The following DBX2 variants were observed in gnomAD, a reference collection of about 807,000 sequenced individuals.
DBX2 encodes homeobox protein DBX2.
Under a neutral mutation model 17.7 loss-of-function variants are expected in DBX2, and 16 were observed. The ratio of observed to expected loss-of-function variants is 0.90; its 90% CI spans 0.61 to 1.37. The LOEUF is 1.37. DBX2 is among the 40% of genes most tolerant of loss of function. DBX2 has a pLI of 0.00. For missense variants in DBX2, 538 were observed against 433.8 expected (o/e 1.24, Z -2.13); for synonymous variants, 255 against 183.8 (o/e 1.39, Z -3.13).
intron 1 of DBX2, among the ~76,000 whole-genome samples, chr12:45,038,326 GAA>G (rs140253746): frequency 6.8e-6 from 1 of 147,204 alleles, no homozygotes; most frequent in Admixed American, 6.7e-5. Context: ...TGAGGTAAAA[GAA>G]AAAAAAAGAC....
chr12:45,031,206 G>GTT (rs1946407540), intron 2 of DBX2, among the ~76,000 whole-genome samples: 1 of 81,072 alleles, frequency 1.2e-5, no homozygotes, highest in Non-Finnish European at 2.4e-5. Context: ...GTGTGTGTGT[G>GTT]TGTGTGTGTG....
At chr12:45,044,415 G>T (rs1418028417) in intron 1 of DBX2, among the ~76,000 whole-genome samples, 2 of 152,020 alleles carry the variant, frequency 1.3e-5, no homozygotes, top group Non-Finnish European at 1.5e-5. Flanking sequence ...AAAAATAATA[G>T]AGACTTAAGG....
intron 1 of DBX2, among the ~76,000 whole-genome samples, chr12:45,044,671 C>T (rs1315474450): frequency 7.2e-5 from 11 of 152,076 alleles, no homozygotes; most frequent in Admixed American, 7.2e-4. Flanking sequence ...TTCCTGAATG[C>T]TTTGGTTCTA....
At chr12:45,046,456 A>T (rs1224494948) in intron 1 of DBX2, among the ~76,000 whole-genome samples, 1 of 152,150 alleles carries the variant, frequency 6.6e-6, no homozygotes, top group Admixed American at 6.5e-5. Context: ...ATCAACACTC[A>T]AAATTCTATG....
chr12:45,046,858 C>T (rs1053141138), intron 1 of DBX2, among the ~76,000 whole-genome samples: 6 of 152,172 alleles, frequency 3.9e-5, no homozygotes, highest in Non-Finnish European at 8.8e-5. Context: ...TTCTTTACTA[C>T]ACAGAATGAC....
In DBX2 at chr12:45,050,699, G is replaced by T. The variant is rs1286493687; in HGVS notation, c.229C>A (p.Pro77Thr). 6.6e-7 allele frequency: 1 copy of T among 1,525,748 alleles called. No individual in the cohort carries two copies. The highest frequency in any genetic ancestry group is 8.8e-7 in the Non-Finnish European group (1 of 1,137,034). 94.5% of individuals were successfully genotyped at this position (1,525,748 alleles called of 1,614,324 possible). ...ATAGAQLRPLPASPVPLKLCP... is the reference protein window; with the variant it reads ...ATAGAQLRPLTASPVPLKLCP... ...AGCTTTAGGGGAACTGGGCTAGCAGGCAGGGGCCGGAGCTGCGCGCCCGCG... is the reference window on the plus strand; with the variant it reads ...AGCTTTAGGGGAACTGGGCTAGCAGTCAGGGGCCGGAGCTGCGCGCCCGCG... The change falls in exon 1 of 4, where the codon CCT becomes ACT. Residue 77 changes from proline to threonine, a missense_variant. Coordinates refer to ENST00000332700, the MANE Select transcript of DBX2 (RefSeq NM_001004329.3).
At chr12:45,044,845 T>C (rs1269732534) in intron 1 of DBX2, among the ~76,000 whole-genome samples, 4 of 152,132 alleles carry the variant, frequency 2.6e-5, no homozygotes, top group East Asian at 1.9e-4. Flanking sequence ...AAATCAGCTA[T>C]GGTAACTTTA....
intron 1 of DBX2, 77 bp downstream of exon 1, chr12:45,050,448 C>G: frequency 6.6e-6 from 10 of 1,503,976 alleles, no homozygotes; most frequent in Non-Finnish European, 8.0e-6. Flanking sequence ...GTGCGCACCG[C>G]CGGCGCTCCC....
intron 2 of DBX2, among the ~76,000 whole-genome samples, chr12:45,030,001 G>C (rs1406938454): frequency 6.6e-6 from 1 of 152,000 alleles, no homozygotes; most frequent in Non-Finnish European, 1.5e-5. Context: ...ATCCTGACAT[G>C]CTCCCTAATT....
intron 2 of DBX2, among the ~76,000 whole-genome samples, chr12:45,031,217 TGTGTGTGTGAGA>T (rs1946407863): frequency 9.5e-6 from 1 of 105,490 alleles, no homozygotes; most frequent in African/African-American, 3.3e-5. Context: ...TGTGTGTGTG[TGTGTGTGTGAGA>T]GAGAGAGAGA....
At chr12:45,017,548 G>A (rs1946330256) in intron 3 of DBX2, among the ~76,000 whole-genome samples, 1 of 152,232 alleles carries the variant, frequency 6.6e-6, no homozygotes, top group Non-Finnish European at 1.5e-5. Context: ...ATAAATTGCA[G>A]GCTTTATACA....
intron 2 of DBX2, among the ~76,000 whole-genome samples, chr12:45,026,040 G>A (rs754189556): frequency 6.6e-6 from 1 of 152,068 alleles, no homozygotes; most frequent in Non-Finnish European, 1.5e-5. Context: ...TAGCATGTTG[G>A]TTAAGAATTC....
In DBX2 at chr12:45,031,225, T is replaced by TGTGA. The variant is rs1377897653; in HGVS notation, c.499+4793_499+4794insTCAC. On this transcript the variant is annotated intron_variant, in intron 2 of 3. Coordinates refer to ENST00000332700, the MANE Select transcript of DBX2 (RefSeq NM_001004329.3). ...GTGTGTGTGTGTGTGTGTGTGTGTG[T>TGTGA]GAGAGAGAGAGAGAGAGAGAGAGAG... Among the ~76,000 whole-genome samples, 169 of 85,644 alleles carry TGTGA rather than the reference T, an allele frequency of 2.0e-3. 2 individuals are homozygous for TGTGA. The highest frequency in any genetic ancestry group is 5.9e-3 in the African/African-American group (128 of 21,742). The allele number at this position is 85,644 out of a possible 152,430, so 56.2% of individuals were successfully genotyped here. A position where few individuals can be genotyped will look rare whatever the true frequency, so the allele number is the denominator to read the frequency against.
chr12:45,025,822 A>C (rs1022406982), intron 2 of DBX2, among the ~76,000 whole-genome samples: 1 of 150,172 alleles, frequency 6.7e-6, no homozygotes, highest in Non-Finnish European at 1.5e-5. Flanking sequence ...CGGAGAAAAC[A>C]GTCAGGTTGA....
chr12:45,028,049 C>G (rs962498283), intron 2 of DBX2, among the ~76,000 whole-genome samples: 1 of 152,180 alleles, frequency 6.6e-6, no homozygotes, highest in African/African-American at 2.4e-5. Flanking sequence ...ACAGCAATTC[C>G]TCTTGCTGGC....
At chr12:45,038,757 T>C (rs1369664941) in intron 1 of DBX2, among the ~76,000 whole-genome samples, 1 of 151,916 alleles carries the variant, frequency 6.6e-6, no homozygotes, top group African/African-American at 2.4e-5. Flanking sequence ...ATCAATTAAA[T>C]TCTTAGTGAT....
chr12:45,039,277 G>GTATTTA (rs1946457026), intron 1 of DBX2, among the ~76,000 whole-genome samples: 1 of 90,276 alleles, frequency 1.1e-5, no homozygotes, highest in South Asian at 4.2e-4. Context: ...TGCATTGAAG[G>GTATTTA]TATATATATA....
intron 2 of DBX2, among the ~76,000 whole-genome samples, chr12:45,030,270 C>G (rs536202742): frequency 2.6e-4 from 40 of 152,314 alleles, no homozygotes; most frequent in Non-Finnish European, 5.3e-4. Context: ...TATCCAGTCA[C>G]TTTCTAAACA....
At chr12:45,020,237 C>T (rs957569243) in intron 3 of DBX2, among the ~76,000 whole-genome samples, 33 of 152,198 alleles carry the variant, frequency 2.2e-4, no homozygotes, top group African/African-American at 7.7e-4. Flanking sequence ...CATCTGCTTC[C>T]TGTCTGTATA....
Sources: gnomAD v4.1 joint callset for allele counts (sites outside exome capture counted in the v4.1 genomes callset) on GRCh38, gnomAD v4.1.1 for gene constraint, MANE v1.5 for transcripts, NCBI Gene and HGNC (gene_info 2026-07-23, HGNC 2026-07-21) for gene names.